Variants in ITPR2 observed in about 807,000 individuals in gnomAD.
ITPR2 encodes inositol 1,4,5-trisphosphate receptor type 2.
ITPR2 carries 207 observed loss-of-function variants against 317.1 expected under a neutral mutation model. The observed-to-expected ratio is 0.65, with a 90% CI of 0.58 to 0.73. ITPR2 has a LOEUF of 0.73. ITPR2 is among the 30% of genes least tolerant of loss of function. The pLI, the probability that ITPR2 is intolerant of heterozygous loss-of-function variation, is 0.00. For missense variants in ITPR2, 2,613 were observed against 3,284.0 expected (o/e 0.80, Z 4.99); for synonymous variants, 1,156 against 1,149.1 (o/e 1.01, Z -0.12).
chr12:26,668,382 A>T (rs1947674303), intron 13 of ITPR2, among the ~76,000 whole-genome samples: 1 of 152,238 alleles, frequency 6.6e-6, no homozygotes, highest in Non-Finnish European at 1.5e-5. Context: ...ACACATGGAT[A>T]GGGCTGGACC....
intron 1 of ITPR2, among the ~76,000 whole-genome samples, chr12:26,816,809 T>C (rs1950862972): frequency 6.6e-6 from 1 of 151,618 alleles, no homozygotes; most frequent in Non-Finnish European, 1.5e-5. Flanking sequence ...ATCCACATAA[T>C]AAACAGGTGA....
Position 26,486,175 on chromosome 12 carries a change from C to T in ITPR2, c.5740G>A (p.Ala1914Thr), listed in dbSNP as rs765528967. The change falls in exon 41 of 57, where the codon GCA becomes ACA. Residue 1914 changes from alanine (A) to threonine (T), a missense_variant. This residue lies in a region of ITPR2 where 926 missense variants were observed against 1,072.8 expected (regional missense o/e 0.86). Transcript: ENST00000381340. ...KSAEEVTMSP[A>T]IAIMQPILRF... ...AGTATTGGCTGCATGATGGCAATTG[C>T]GGGACTCATTGTTACTTCCTCTGCG... The T allele has an allele frequency of 5.6e-6, 9 of 1,613,932 alleles. No individual in the cohort carries two copies. The highest frequency in any genetic ancestry group is 1.3e-5 in the African/African-American group (1 of 74,918).
At chr12:26,813,945 C>T (rs1468115613) in intron 1 of ITPR2, among the ~76,000 whole-genome samples, 1 of 152,124 alleles carries the variant, frequency 6.6e-6, no homozygotes, top group African/African-American at 2.4e-5. Context: ...TCCGCCTATC[C>T]ATCATCCACT....
chr12:26,597,832 A>G (rs1945888139), intron 30 of ITPR2, among the ~76,000 whole-genome samples: 1 of 152,128 alleles, frequency 6.6e-6, no homozygotes, highest in Non-Finnish European at 1.5e-5. Context: ...TATCAGTACC[A>G]ATTTTCTAAC....
intron 37 of ITPR2, among the ~76,000 whole-genome samples, chr12:26,537,771 CA>C (rs1463984139): frequency 2.0e-5 from 3 of 152,124 alleles, no homozygotes; most frequent in African/African-American, 7.2e-5. Flanking sequence ...ATTAAAAACC[CA>C]GCCAAAAGCC....
At position 26,831,929 on chromosome 12, in the gene ITPR2, A is replaced by T. The variant is rs891654413; in HGVS notation, c.92+761T>A. On this transcript the variant is annotated intron_variant, in intron 1 of 56. Coordinates refer to ENST00000381340, the MANE Select transcript of ITPR2 (RefSeq NM_002223.4). The surrounding 1 kb of genome is among the most constrained non-coding windows in gnomAD (Gnocchi z 4.9). ...TATACATATATGTGTATATATATATATATTTTTCCCCCCATTCAACTCGAA... is the reference window on the plus strand; with the variant it reads ...TATACATATATGTGTATATATATATTTATTTTTCCCCCCATTCAACTCGAA... Among the ~76,000 whole-genome samples the T allele has an allele frequency of 2.7e-4, 41 of 149,208 alleles. No homozygotes were observed. The highest frequency in any genetic ancestry group is 2.7e-4 in the Admixed American group (4 of 14,782).
intron 35 of ITPR2, among the ~76,000 whole-genome samples, chr12:26,557,860 G>GAA (rs201429076): frequency 6.6e-6 from 1 of 150,578 alleles, no homozygotes; most frequent in Admixed American, 6.6e-5. Flanking sequence ...TACATTAGAA[G>GAA]AAAAAAAAAC....
At chr12:26,634,649 G>A (rs144398165) in intron 21 of ITPR2, among the ~76,000 whole-genome samples, 1 of 152,206 alleles carries the variant, frequency 6.6e-6, no homozygotes, top group East Asian at 1.9e-4. Context: ...ACTTTGGGAG[G>A]CCAAGGCGGG....
At chr12:26,554,181 G>A (rs1263091755) in intron 36 of ITPR2, among the ~76,000 whole-genome samples, 4 of 152,132 alleles carry the variant, frequency 2.6e-5, no homozygotes, top group African/African-American at 9.7e-5. Flanking sequence ...CCAAGTTCTA[G>A]ACCAGTGCTG....
At chr12:26,494,771 G>GAAAAAAA (rs71069245) in intron 38 of ITPR2, among the ~76,000 whole-genome samples, 10 of 50,344 alleles carry the variant, frequency 2.0e-4, no homozygotes, top group Non-Finnish European at 2.5e-4. Flanking sequence ...CTCTGCCTCA[G>GAAAAAAA]AAAAAAAAAA....
At chr12:26,574,481 A>G (rs1473402030) in intron 34 of ITPR2, among the ~76,000 whole-genome samples, 1 of 152,144 alleles carries the variant, frequency 6.6e-6, no homozygotes, top group Non-Finnish European at 1.5e-5. Flanking sequence ...CCTTCATCCT[A>G]GGTAACAACT....
chr12:26,686,782 C>T, intron 10 of ITPR2, 150 bp from the exon 11 acceptor site: 1 of 699,810 alleles, frequency 1.4e-6, no homozygotes, highest in South Asian at 2.1e-5. Flanking sequence ...CTAGCTCTAG[C>T]CCGACAGCCA....
Position 26,833,017 on chromosome 12 carries a change from G to A in ITPR2, c.-236C>T, listed in dbSNP as rs1365140507. 2.1e-6 allele frequency: 1 copy of A among 485,476 alleles called. No individual in the cohort carries two copies. Among genetic ancestry groups the A allele is most frequent in the African/African-American group, 2.1e-5 (1 of 48,078 alleles). 30.1% of individuals were successfully genotyped at this position (485,476 alleles called of 1,614,324 possible). On this transcript the variant is annotated 5_prime_UTR_variant, in exon 1 of 57. Coordinates refer to ENST00000381340, the MANE Select transcript of ITPR2 (RefSeq NM_002223.4). ...GACACCCCGCGAAGAGCGCAGCCCA[G>A]GCGCCCAGAGAAGCCGCAGCCGCCG...
Position 26,419,072 on chromosome 12 carries a change from G to A in ITPR2, c.7087C>T (p.His2363Tyr), listed in dbSNP as rs1378201976. ...ACCAGGAAGCTATAGAAGAATTCAT[G>A]GACAAAAAGGCCCAGCATGCAAACC... ...VLVCMLGLFV[H>Y]EFFYSFLLFD... The change falls in exon 50 of 57, where the codon CAT (histidine) becomes TAT (tyrosine). Residue 2363 changes from histidine to tyrosine, a missense_variant. Around this residue, in one of 9 missense-constraint regions of ITPR2, gnomAD observed 78 missense variants for 110.3 expected, o/e 0.71. Coordinates refer to ENST00000381340, the MANE Select transcript of ITPR2 (RefSeq NM_002223.4). The A allele has an allele frequency of 1.9e-6, 3 of 1,613,494 alleles. No homozygotes were observed. The highest frequency in any genetic ancestry group is 3.3e-5 in the Admixed American group (2 of 59,944).
At chr12:26,412,918 G>C (rs1052674346) in intron 51 of ITPR2, among the ~76,000 whole-genome samples, 1 of 152,208 alleles carries the variant, frequency 6.6e-6, no homozygotes, top group Admixed American at 6.5e-5. Context: ...GAGACAGTGA[G>C]AGCTATGGTT....
intron 8 of ITPR2, 65 bp from the exon 9 acceptor site, chr12:26,711,333 C>T (rs1565710538): frequency 9.6e-7 from 1 of 1,041,734 alleles, no homozygotes. Context: ...CAAACACCAA[C>T]AGTTTACATG....
intron 45 of ITPR2, 105 bp from the exon 46 acceptor site, chr12:26,443,755 G>C (rs778508272): frequency 6.7e-6 from 5 of 743,964 alleles, no homozygotes; most frequent in Non-Finnish European, 1.1e-5. Flanking sequence ...CAGAGTCCTA[G>C]GGTTAAGGAC....
chr12:26,614,616 C>G (rs1029699460), intron 26 of ITPR2, among the ~76,000 whole-genome samples: 2 of 152,116 alleles, frequency 1.3e-5, no homozygotes, highest in Admixed American at 6.6e-5. Flanking sequence ...GACTATTATT[C>G]AGCAATAACA....
chr12:26,497,551 G>A (rs1401728155), intron 37 of ITPR2, among the ~76,000 whole-genome samples: 1 of 42,856 alleles, frequency 2.3e-5, no homozygotes, highest in Non-Finnish European at 7.0e-5. Flanking sequence ...GTTACAATGA[G>A]ATGAATGCAA....
Sources: allele counts gnomAD v4.1 joint callset (sites outside exome capture counted in the v4.1 genomes callset), GRCh38; gene constraint gnomAD v4.1.1; regional missense constraint gnomAD v4.1.1; non-coding constraint Gnocchi (gnomAD v3.1); transcripts MANE v1.5; gene names NCBI Gene and HGNC (gene_info 2026-07-23, HGNC 2026-07-21).